The following CARS1 variants were observed in gnomAD, a reference collection of about 807,000 sequenced individuals.
CARS1 encodes the protein cysteine--tRNA ligase, cytoplasmic.
Under a neutral mutation model 106.2 loss-of-function variants are expected in CARS1, and 48 were observed. The ratio of observed to expected loss-of-function variants is 0.45; its 90% CI spans 0.36 to 0.57. The LOEUF is 0.57. CARS1 is among the 20% of genes least tolerant of loss of function. CARS1 has a pLI of 0.00. For missense variants in CARS1, 968 were observed against 1,057.2 expected (o/e 0.92, Z 1.17); for synonymous variants, 409 against 403.4 (o/e 1.01, Z -0.17).
Position 3,017,971 on chromosome 11 carries a change from C to G in CARS1, c.1630-17G>C. 6.4e-7 allele frequency: 1 copy of G among 1,560,948 alleles called. No homozygotes were observed. Among genetic ancestry groups the G allele is most frequent in the East Asian group, 2.2e-5 (1 of 44,612 alleles). On this transcript the variant is annotated splice_polypyrimidine_tract_variant and intron_variant, in intron 14 of 22. Coordinates refer to ENST00000380525, the MANE Select transcript of CARS1 (RefSeq NM_001014437.3). The surrounding 1 kb of genome is among the most constrained non-coding windows in gnomAD (Gnocchi z 4.9). ...GAAAAACTCCTGAAGTTAGAAAAAT[C>G]AGTTTAACAGCATTTAGGCAACTTT...
intron 1 of CARS1, among the ~76,000 whole-genome samples, chr11:3,055,525 C>T (rs1303581765): frequency 1.3e-5 from 2 of 152,188 alleles, no homozygotes; most frequent in Admixed American, 1.3e-4. Flanking sequence ...GTGGGCCATG[C>T]CCTGGGGCAG....
At chr11:3,011,538 C>T (rs911120149) in intron 18 of CARS1, among the ~76,000 whole-genome samples, 4 of 152,108 alleles carry the variant, frequency 2.6e-5, no homozygotes, top group South Asian at 2.1e-4. Flanking sequence ...GGCGTGAACC[C>T]GGGAGGCGGA....
chr11:3,018,791 C>G, intron 12 of CARS1, 42 bp from the exon 13 acceptor site: 1 of 1,592,582 alleles, frequency 6.3e-7, no homozygotes, highest in Non-Finnish European at 8.6e-7. Flanking sequence ...TCATGTGTTA[C>G]TGGGGCCGCC....
At chr11:3,002,515 C>T in intron 21 of CARS1, 26 bp downstream of exon 21, 1 of 1,613,468 alleles carries the variant, frequency 6.2e-7, no homozygotes, top group South Asian at 1.1e-5. Flanking sequence ...CCAGTAGAGC[C>T]CTCACCCCCA....
In CARS1 at chr11:3,020,349, C is replaced by T. The variant is rs1157767335; in HGVS notation, c.1154-17G>A. 43 of 1,551,728 alleles carry T rather than the reference C, an allele frequency of 2.8e-5. No individual in the cohort carries two copies. The highest frequency in any genetic ancestry group is 1.7e-4 in the Middle Eastern group (1 of 5,938). On this transcript the variant is annotated splice_polypyrimidine_tract_variant and intron_variant, in intron 10 of 22. Transcript: ENST00000380525. This position sits in a 1 kb window ranked among gnomAD's most constrained non-coding sequence, Gnocchi z 4.6. Reference sequence around the variant, plus strand: ...TCAGGTCACCTGCAAACACGAGGGACGCCAGGCAAGGTCACTCAGCAGCAC... The same window carrying T: ...TCAGGTCACCTGCAAACACGAGGGATGCCAGGCAAGGTCACTCAGCAGCAC...
In CARS1 at chr11:3,019,161, T is replaced by C; in HGVS notation, c.1373A>G (p.Asp458Gly). 6.6e-7 allele frequency: 1 copy of C among 1,524,308 alleles called. No homozygotes were observed. Among genetic ancestry groups the C allele is most frequent in the Non-Finnish European group, 8.8e-7 (1 of 1,139,826 alleles). 94.4% of individuals were successfully genotyped at this position (1,524,308 alleles called of 1,614,324 possible). Residue 458 changes from aspartate (D) to glycine (G), a missense_variant, in exon 12 of 23, where the codon GAC (aspartate) becomes GGC (glycine). Transcript: ENST00000380525. This position sits in a 1 kb window ranked among gnomAD's most constrained non-coding sequence, Gnocchi z 6.2. Reference protein sequence around the residue: ...GGFDLRFPHHDNELAQSEAYF... With the variant: ...GGFDLRFPHHGNELAQSEAYF... ...TACCTCCGACTGTGCCAGCTCATTG[T>C]CATGGTGGGGGAACCGGAGGTCGAA...
intron 7 of CARS1, among the ~76,000 whole-genome samples, chr11:3,032,527 A>C (rs989504651): frequency 6.6e-6 from 1 of 152,180 alleles, no homozygotes; most frequent in African/African-American, 2.4e-5. Context: ...TAGGACTCCC[A>C]GCTGATGCCT....
rs1447777052 is a variant in CARS1, at chr11:3,037,315, G to C, written c.801+735C>G. On this transcript the variant is annotated intron_variant, in intron 7 of 22. Coordinates refer to ENST00000380525, the MANE Select transcript of CARS1 (RefSeq NM_001014437.3). The surrounding 1 kb of genome is among the most constrained non-coding windows in gnomAD (Gnocchi z 5.9). ...GAAAGAAACATGCTGGCGAAGGGCA[G>C]ACACAGACTCCCTGCCCCATCACTG... Among the ~76,000 whole-genome samples the C allele has an allele frequency of 6.6e-6, 1 of 152,276 alleles. No individual in the cohort carries two copies. The highest frequency in any genetic ancestry group is 1.5e-5 in the Non-Finnish European group (1 of 68,046).
In CARS1 at chr11:3,019,259, C is replaced by T. The variant is rs554710714; in HGVS notation, c.1275G>A (p.Pro425=). ...TGGCCGAGCACTCGATATGCCAGCC[C>T]GGACGACCCTGGAGAAAGCCGAACA... The part of the protein sequence containing the change: ...SWPCPWGKGR[P]GWHIECSAMA... The change falls in exon 12 of 23, where the codon CCG becomes CCA. Residue 425 remains proline (P), a synonymous_variant. Transcript: ENST00000380525. This position sits in a 1 kb window ranked among gnomAD's most constrained non-coding sequence, Gnocchi z 6.2. 37 of 1,435,380 alleles carry T rather than the reference C, an allele frequency of 2.6e-5. No homozygotes were observed. The highest frequency in any genetic ancestry group is 5.2e-5 in the East Asian group (2 of 38,484). The allele number at this position is 1,435,380 out of a possible 1,614,324, so 88.9% of individuals were successfully genotyped here.
chr11:3,033,114 A>C (rs1331487129), intron 7 of CARS1, among the ~76,000 whole-genome samples: 1 of 151,118 alleles, frequency 6.6e-6, no homozygotes, highest in East Asian at 1.9e-4. Flanking sequence ...TCAGAGGGGG[A>C]GTTTTGTTTT....
rs756258497 is a variant in CARS1 at position 3,017,933 on chromosome 11, C to G, written c.1651G>C (p.Asp551His). 9 of 1,613,302 alleles carry G rather than the reference C, an allele frequency of 5.6e-6. No homozygotes were observed. The South Asian group carries it at 9.9e-5, about 18-fold the overall frequency. The change falls in exon 15 of 23, where the codon GAT becomes CAT. Residue 551 changes from aspartate (D) to histidine (H), a missense_variant. Transcript: ENST00000380525. This position sits in a 1 kb window ranked among gnomAD's most constrained non-coding sequence, Gnocchi z 4.9. ...ATGTCAACAGGAGCGCGAAGGATAT[C>G]TTTCACATTTAAGAAAAACTCCTGA... ...FLNEFFLNVK[D>H]ILRAPVDITG... is the part of the protein sequence containing the mutation.
At position 3,029,590 on chromosome 11, in the gene CARS1, GAT is replaced by G; in HGVS notation, c.802-149_802-148del. The G allele has an allele frequency of 1.3e-6, 1 of 757,614 alleles. No individual in the cohort carries two copies. The highest frequency in any genetic ancestry group is 2.1e-6 in the Non-Finnish European group (1 of 478,294). 46.9% of individuals were successfully genotyped at this position (757,614 alleles called of 1,614,324 possible). A position where few individuals can be genotyped will look rare whatever the true frequency, so the allele number is the denominator to read the frequency against. ...AGCCACCGTCTCCTAGGGAGACTGT[GAT>G]GCTTACACAACTGGCTCGGCAGGGA... On this transcript the variant is annotated intron_variant, in intron 7 of 22. Coordinates refer to ENST00000380525, the MANE Select transcript of CARS1 (RefSeq NM_001014437.3). The surrounding 1 kb of genome is among the most constrained non-coding windows in gnomAD (Gnocchi z 5.9).
chr11:3,051,969 T>TG (rs1398153642), intron 1 of CARS1, among the ~76,000 whole-genome samples: 5 of 152,332 alleles, frequency 3.3e-5, no homozygotes, highest in Admixed American at 6.5e-5. Context: ...TGGATTCTGA[T>TG]GGAGAGACCA....
rs1438803272 is a variant in CARS1, at chr11:3,037,583, G to A, written c.801+467C>T. On this transcript the variant is annotated intron_variant, in intron 7 of 22. Transcript: ENST00000380525. This position sits in a 1 kb window ranked among gnomAD's most constrained non-coding sequence, Gnocchi z 5.9. ...CCAGGTCTCTGCCCTGTGTCTGAAGGAGATATTGGCAGGGGCAGGAGAGCT... is the reference window on the plus strand; with the variant it reads ...CCAGGTCTCTGCCCTGTGTCTGAAGAAGATATTGGCAGGGGCAGGAGAGCT... 1.3e-5 allele frequency among the ~76,000 whole-genome samples: 2 copies of A among 152,220 alleles called. No homozygotes were observed. Among genetic ancestry groups the A allele is most frequent in the African/African-American group, 2.4e-5 (1 of 41,452 alleles).
At chr11:3,054,496 C>T (rs1288358383) in intron 1 of CARS1, among the ~76,000 whole-genome samples, 1 of 152,220 alleles carries the variant, frequency 6.6e-6, no homozygotes, top group African/African-American at 2.4e-5. Flanking sequence ...GGGAAAACAT[C>T]GAAGGGCATC....
Position 3,041,122 on chromosome 11 carries a change from T to C in CARS1, c.367-138A>G. ...CAACAGAGACCATTTTGTTTTACTGTGAAAAGTCACAGTCTCAGTGGGAGC... is the reference window on the plus strand; with the variant it reads ...CAACAGAGACCATTTTGTTTTACTGCGAAAAGTCACAGTCTCAGTGGGAGC... On this transcript the variant is annotated intron_variant, in intron 3 of 22. Coordinates refer to ENST00000380525, the MANE Select transcript of CARS1 (RefSeq NM_001014437.3). This position sits in a 1 kb window ranked among gnomAD's most constrained non-coding sequence, Gnocchi z 4.9. 7.0e-7 allele frequency: 1 copy of C among 1,429,752 alleles called. No individual in the cohort carries two copies. The highest frequency in any genetic ancestry group is 9.5e-7 in the Non-Finnish European group (1 of 1,048,472). The allele number at this position is 1,429,752 out of a possible 1,614,324, so 88.6% of individuals were successfully genotyped here.
In CARS1 at chr11:3,018,517, G is replaced by T; in HGVS notation, c.1526-6C>A. 6.2e-7 allele frequency: 1 copy of T among 1,613,346 alleles called. No homozygotes were observed. The highest frequency in any genetic ancestry group is 8.5e-7 in the Non-Finnish European group (1 of 1,179,260). On this transcript the variant is annotated splice_region_variant and splice_polypyrimidine_tract_variant and intron_variant, in intron 13 of 22. Transcript: ENST00000380525. ...GGCCAGCCGCAACTGCCGTGCTGTGGGGGGACACAAGACAGCCAACGCCCT... is the reference window on the plus strand; with the variant it reads ...GGCCAGCCGCAACTGCCGTGCTGTGTGGGGACACAAGACAGCCAACGCCCT...
Position 3,030,945 on chromosome 11 carries a change from T to C in CARS1, c.802-1502A>G, listed in dbSNP as rs911497831. The C allele has an allele frequency of 6.6e-6, 1 of 151,980 alleles. No individual in the cohort carries two copies. Among genetic ancestry groups the C allele is most frequent in the African/African-American group, 2.4e-5 (1 of 41,356 alleles). The allele number at this position is 151,980 out of a possible 1,614,324, so 9.4% of individuals were successfully genotyped here. A position where few individuals can be genotyped will look rare whatever the true frequency, so the allele number is the denominator to read the frequency against. On this transcript the variant is annotated intron_variant, in intron 7 of 22. Coordinates refer to ENST00000380525, the MANE Select transcript of CARS1 (RefSeq NM_001014437.3). This position sits in a 1 kb window ranked among gnomAD's most constrained non-coding sequence, Gnocchi z 5.7. Reference sequence around the variant, plus strand: ...CAGGAAGACAGAACTGAAGAAGTCATCCAAAATGAAACAGAGACAAGAAGG... The same window carrying C: ...CAGGAAGACAGAACTGAAGAAGTCACCCAAAATGAAACAGAGACAAGAAGG...
Position 3,038,112 on chromosome 11 carries a change from C to A in CARS1, c.739G>T (p.Glu247Ter). ...RIQHAVQLAT[E>*]PLEKAVQSRL... is the part of the protein sequence containing the mutation. ...GACTGCACAGCTTTCTCAAGTGGCT[C>A]TGTGGCAAGCTGCACTGCGTGCTGA... Residue 247 changes from glutamate to a stop codon, truncating the protein, a stop_gained, in exon 7 of 23, where the codon GAG becomes TAG. Coordinates refer to ENST00000380525, the MANE Select transcript of CARS1 (RefSeq NM_001014437.3). LOFTEE classifies it high-confidence loss of function. This position sits in a 1 kb window ranked among gnomAD's most constrained non-coding sequence, Gnocchi z 4.0. The A allele has an allele frequency of 6.2e-7, 1 of 1,614,212 alleles. No homozygotes were observed. The highest frequency in any genetic ancestry group is 8.5e-7 in the Non-Finnish European group (1 of 1,180,018).
Sources: allele counts gnomAD v4.1 joint callset (sites outside exome capture counted in the v4.1 genomes callset), GRCh38; gene constraint gnomAD v4.1.1; non-coding constraint Gnocchi (gnomAD v3.1); transcripts MANE v1.5; gene names NCBI Gene and HGNC (gene_info 2026-07-23, HGNC 2026-07-21).